GRIK4: variants seen among roughly 807,000 people sequenced by gnomAD.
GRIK4 encodes the protein glutamate ionotropic receptor kainate type subunit 4.
In GRIK4, 40 loss-of-function variants were observed where a neutral mutation model predicts 104.9. The observed-to-expected ratio is 0.38, with a 90% CI of 0.30 to 0.50. The LOEUF (loss-of-function observed/expected upper bound fraction) is 0.50. GRIK4 is among the 20% of genes least tolerant of loss of function. GRIK4 has a pLI of 0.93. For synonymous variants in GRIK4, 485 were observed against 524.9 expected, an observed-to-expected ratio of 0.92 and a Z score of 1.04; for missense variants, 1,047 against 1,308.1, an observed-to-expected ratio of 0.80 and a Z score of 3.08.
intron 11 of GRIK4, among the ~76,000 whole-genome samples, chr11:120,898,228 C>T (rs572380999): frequency 6.6e-6 from 1 of 152,300 alleles, no homozygotes; most frequent in South Asian, 2.1e-4. Flanking sequence ...TCCACATGTT[C>T]CATTCCTTTC....
intron 1 of GRIK4, among the ~76,000 whole-genome samples, chr11:120,548,806 G>T (rs1948111256): frequency 6.6e-6 from 1 of 152,120 alleles, no homozygotes; most frequent in African/African-American, 2.4e-5. Context: ...ATCCCAAGAG[G>T]TGAAGTAATC....
At chr11:120,798,613 G>A (rs1421663603) in intron 3 of GRIK4, among the ~76,000 whole-genome samples, 1 of 152,154 alleles carries the variant, frequency 6.6e-6, no homozygotes, top group African/African-American at 2.4e-5. Context: ...CCCAGTAGCT[G>A]GGATTACACG....
chr11:120,544,617 G>T (rs1400370514), intron 1 of GRIK4, among the ~76,000 whole-genome samples: 1 of 152,060 alleles, frequency 6.6e-6, no homozygotes, highest in Non-Finnish European at 1.5e-5. Context: ...AGGCTAAAGA[G>T]TACTATTTGT....
At chr11:120,582,254 T>A (rs1402925192) in intron 1 of GRIK4, among the ~76,000 whole-genome samples, 2 of 151,462 alleles carry the variant, frequency 1.3e-5, no homozygotes, top group Non-Finnish European at 2.9e-5. Context: ...TTTTTTTTTT[T>A]TAAATAGTAT....
chr11:120,829,354 A>G (rs936425975), intron 6 of GRIK4, among the ~76,000 whole-genome samples: 1 of 152,038 alleles, frequency 6.6e-6, no homozygotes, highest in Non-Finnish European at 1.5e-5. Flanking sequence ...CACTTTACAT[A>G]TAGGACAAAA....
chr11:120,621,287 C>G (rs567826743), intron 1 of GRIK4, among the ~76,000 whole-genome samples: 5 of 152,330 alleles, frequency 3.3e-5, no homozygotes, highest in African/African-American at 9.6e-5. Context: ...CTCCAATCAG[C>G]TGAGTGTTTG....
intron 3 of GRIK4, among the ~76,000 whole-genome samples, chr11:120,688,664 C>A (rs1950310818): frequency 6.6e-6 from 1 of 152,136 alleles, no homozygotes; most frequent in African/African-American, 2.4e-5. Context: ...TGTGTTTCAG[C>A]CCAGATAATC....
intron 4 of GRIK4, among the ~76,000 whole-genome samples, chr11:120,808,526 C>T (rs975791168): frequency 6.6e-6 from 1 of 152,126 alleles, no homozygotes; most frequent in African/African-American, 2.4e-5. Context: ...TGAGGAGAGG[C>T]GATGGCGGTC....
chr11:120,844,403 CA>C (rs1953800704), intron 8 of GRIK4, among the ~76,000 whole-genome samples: 2 of 152,198 alleles, frequency 1.3e-5, no homozygotes, highest in Non-Finnish European at 2.9e-5. Context: ...ACCTTTCCAC[CA>C]GACTTTGAGC....
chr11:120,845,889 C>T (rs547482393), intron 8 of GRIK4, among the ~76,000 whole-genome samples: 2 of 152,282 alleles, frequency 1.3e-5, no homozygotes, highest in South Asian at 4.1e-4. Context: ...AGTGAAAGCT[C>T]CTTGTGTGTC....
intron 1 of GRIK4, among the ~76,000 whole-genome samples, chr11:120,586,671 G>A (rs1948669260): frequency 6.6e-6 from 1 of 152,108 alleles, no homozygotes. Context: ...GGGACATTCG[G>A]GTGACCTTGT....
intron 1 of GRIK4, among the ~76,000 whole-genome samples, chr11:120,544,519 C>T (rs577651996): frequency 5.9e-5 from 9 of 152,140 alleles, no homozygotes; most frequent in African/African-American, 1.7e-4. Context: ...TTAGTAGAGC[C>T]GGGGTTTCAC....
At chr11:120,659,859 G>C (rs950038257) in intron 2 of GRIK4, among the ~76,000 whole-genome samples, 13 of 152,222 alleles carry the variant, frequency 8.5e-5, no homozygotes, top group Admixed American at 7.2e-4. Flanking sequence ...AGGGTCCCGA[G>C]TAGCTGGAAT....
intron 3 of GRIK4, among the ~76,000 whole-genome samples, chr11:120,796,222 A>G (rs3020100): frequency 0.067 from 10,101 of 151,880 alleles, 368 homozygotes; most frequent in Middle Eastern, 0.11. Flanking sequence ...TTTTTAGTAG[A>G]GACGGGGTTT....
chr11:120,535,897 A>G (rs1178761210), intron 1 of GRIK4, among the ~76,000 whole-genome samples: 1 of 152,206 alleles, frequency 6.6e-6, no homozygotes, highest in Non-Finnish European at 1.5e-5. Flanking sequence ...TACCTTTTCC[A>G]GGGTAGGTAT....
intron 13 of GRIK4, among the ~76,000 whole-genome samples, chr11:120,934,493 G>T (rs1235905684): frequency 6.6e-6 from 1 of 152,170 alleles, no homozygotes; most frequent in Non-Finnish European, 1.5e-5. Flanking sequence ...CATGTCCCAG[G>T]AGAAGAGCAG....
intron 3 of GRIK4, among the ~76,000 whole-genome samples, chr11:120,739,874 C>G (rs1215770348): frequency 6.6e-6 from 1 of 152,160 alleles, no homozygotes; most frequent in South Asian, 2.1e-4. Flanking sequence ...CCAGAGGTGA[C>G]TTTTGTGGCT....
chr11:120,681,797 T>C (rs866420147), intron 3 of GRIK4, among the ~76,000 whole-genome samples: 55 of 152,254 alleles, frequency 3.6e-4, no homozygotes, highest in Middle Eastern at 3.4e-3. Context: ...GGGACAGAGA[T>C]GGACAGAGCC....
chr11:120,578,448 A>G (rs1404117377), intron 1 of GRIK4, among the ~76,000 whole-genome samples: 1 of 152,180 alleles, frequency 6.6e-6, no homozygotes, highest in Non-Finnish European at 1.5e-5. Context: ...GTTCTGCCAC[A>G]CACAACATGC....
Sources: gnomAD v4.1 joint callset for allele counts (sites outside exome capture counted in the v4.1 genomes callset) on GRCh38, gnomAD v4.1.1 for gene constraint, MANE v1.5 for transcripts, NCBI Gene and HGNC (gene_info 2026-07-23, HGNC 2026-07-21) for gene names.